Variants in SLC24A3 observed in about 807,000 individuals in gnomAD.
SLC24A3 encodes solute carrier family 24 member 3.
A neutral mutation model predicts 75.8 loss-of-function variants in SLC24A3; 28 were observed. The observed-to-expected ratio is 0.37, with a 90% CI of 0.27 to 0.51. SLC24A3 has a LOEUF of 0.51. Ranked by LOEUF, SLC24A3 falls within the 20% of genes least tolerant of loss-of-function variation. The pLI, the probability that SLC24A3 is intolerant of heterozygous loss-of-function variation, is 0.94. For synonymous variants in SLC24A3, 372 were observed against 334.1 expected (o/e 1.11, Z -1.24); for missense variants, 663 against 847.8 (o/e 0.78, Z 2.71).
chr20:19,458,272 G>A (rs1020805486), intron 2 of SLC24A3, among the ~76,000 whole-genome samples: 5 of 152,148 alleles, frequency 3.3e-5, no homozygotes, highest in African/African-American at 4.8e-5. Flanking sequence ...TCAGAGGCAG[G>A]CTTTGCACCC....
intron 3 of SLC24A3, among the ~76,000 whole-genome samples, chr20:19,529,647 C>T (rs1256371387): frequency 6.6e-6 from 1 of 152,174 alleles, no homozygotes; most frequent in Non-Finnish European, 1.5e-5. Flanking sequence ...CTCCCAAGTT[C>T]ATCCCCTCCT....
chr20:19,220,548 C>T (rs1055701876), intron 1 of SLC24A3, among the ~76,000 whole-genome samples: 4 of 152,100 alleles, frequency 2.6e-5, no homozygotes, highest in Admixed American at 6.5e-5. Context: ...TAAGACAGAA[C>T]ATGAAACATT....
intron 2 of SLC24A3, among the ~76,000 whole-genome samples, chr20:19,373,681 T>C (rs538502667): frequency 3.9e-5 from 6 of 152,314 alleles, no homozygotes; most frequent in Admixed American, 3.9e-4. Flanking sequence ...AGTTCCTGGA[T>C]CCTAAGTTAC....
intron 2 of SLC24A3, among the ~76,000 whole-genome samples, chr20:19,343,056 C>T (rs1187743918): frequency 4.1e-5 from 5 of 121,020 alleles, no homozygotes; most frequent in African/African-American, 1.7e-4. Flanking sequence ...GGTGACAGAA[C>T]GAGACTCCAT....
At chr20:19,681,689 G>A (rs1555806908) in intron 9 of SLC24A3, among the ~76,000 whole-genome samples, 169 bp from the exon 10 acceptor site, 1 of 152,180 alleles carries the variant, frequency 6.6e-6, no homozygotes, top group Non-Finnish European at 1.5e-5. Context: ...AATGGGACAG[G>A]CTTGTATATT....
At chr20:19,612,693 C>A (rs993415093) in intron 6 of SLC24A3, among the ~76,000 whole-genome samples, 2 of 151,860 alleles carry the variant, frequency 1.3e-5, no homozygotes, top group Admixed American at 6.6e-5. Flanking sequence ...GTGATCACCC[C>A]CCCTCTGCTG....
chr20:19,264,332 C>CA (rs1175496106), intron 1 of SLC24A3, among the ~76,000 whole-genome samples: 1 of 152,138 alleles, frequency 6.6e-6, no homozygotes, highest in African/African-American at 2.4e-5. Context: ...CCTCAGGTGC[C>CA]ATGGGCAGTT....
intron 2 of SLC24A3, among the ~76,000 whole-genome samples, chr20:19,512,231 T>A (rs1284332671): frequency 6.6e-6 from 1 of 152,182 alleles, no homozygotes; most frequent in Non-Finnish European, 1.5e-5. Flanking sequence ...ACTGGTAAGC[T>A]GCCCACTCCC....
chr20:19,647,017 G>A (rs1398792368), intron 6 of SLC24A3, among the ~76,000 whole-genome samples: 1 of 152,072 alleles, frequency 6.6e-6, no homozygotes, highest in African/African-American at 2.4e-5. Flanking sequence ...TTCTTTGTCT[G>A]GGAGCTCCTC....
chr20:19,664,235 CA>C (rs1218010676), intron 7 of SLC24A3, among the ~76,000 whole-genome samples: 1 of 151,926 alleles, frequency 6.6e-6, no homozygotes, highest in Non-Finnish European at 1.5e-5. Context: ...AATCTTTTTT[CA>C]AAAAAGAAAG....
chr20:19,465,126 A>G (rs1356993355), intron 2 of SLC24A3, among the ~76,000 whole-genome samples: 1 of 152,244 alleles, frequency 6.6e-6, no homozygotes, highest in Non-Finnish European at 1.5e-5. Flanking sequence ...ACCACACTGG[A>G]CAGACCACAG....
At chr20:19,549,783 C>A (rs532572830) in intron 3 of SLC24A3, among the ~76,000 whole-genome samples, 1 of 152,064 alleles carries the variant, frequency 6.6e-6, no homozygotes, top group African/African-American at 2.4e-5. Flanking sequence ...GACTTTGTCT[C>A]AAAAACAAAA....
At chr20:19,678,868 T>G (rs2032571367) in intron 9 of SLC24A3, among the ~76,000 whole-genome samples, 2 of 142,348 alleles carry the variant, frequency 1.4e-5, no homozygotes, top group South Asian at 2.3e-4. Context: ...CCAGACGGGG[T>G]CGCGGCCGGG....
chr20:19,364,056 G>C (rs112132508), intron 2 of SLC24A3, among the ~76,000 whole-genome samples: 1 of 152,140 alleles, frequency 6.6e-6, no homozygotes, highest in African/African-American at 2.4e-5. Context: ...CAGGAACATG[G>C]GCTCCTGAAA....
intron 2 of SLC24A3, among the ~76,000 whole-genome samples, chr20:19,357,052 G>A (rs1427805585): frequency 3.3e-5 from 5 of 152,136 alleles, no homozygotes; most frequent in Admixed American, 1.3e-4. Context: ...TAAGGATCTT[G>A]AAATGAAGAG....
chr20:19,652,976 G>A (rs780039856), intron 6 of SLC24A3, among the ~76,000 whole-genome samples: 4 of 152,196 alleles, frequency 2.6e-5, no homozygotes, highest in Non-Finnish European at 4.4e-5. Context: ...TACTCCTCTA[G>A]GGAAGGGAAA....
intron 3 of SLC24A3, 124 bp downstream of exon 3, chr20:19,515,688 G>A: frequency 1.1e-6 from 1 of 935,134 alleles, no homozygotes. Context: ...TGCCTGGTGG[G>A]GGTCCTTCGA....
At chr20:19,623,249 G>A (rs544716178) in intron 6 of SLC24A3, among the ~76,000 whole-genome samples, 7 of 152,340 alleles carry the variant, frequency 4.6e-5, no homozygotes, top group African/African-American at 1.7e-4. Flanking sequence ...CAGCACTGCA[G>A]GCCCATGTGT....
intron 2 of SLC24A3, among the ~76,000 whole-genome samples, chr20:19,465,904 T>C (rs1987757534): frequency 6.6e-6 from 1 of 152,206 alleles, no homozygotes; most frequent in African/African-American, 2.4e-5. Flanking sequence ...AATCTCTGCA[T>C]GCAGCCTGAG....
Sources: allele counts gnomAD v4.1 joint callset (sites outside exome capture counted in the v4.1 genomes callset), GRCh38; gene constraint gnomAD v4.1.1; transcripts MANE v1.5; gene names NCBI Gene and HGNC (gene_info 2026-07-23, HGNC 2026-07-21).